TENM2: variants seen among roughly 807,000 people sequenced by gnomAD.
TENM2 encodes the protein teneurin-2.
In TENM2, 52 loss-of-function variants were observed where a neutral mutation model predicts 245.2. That is an observed-to-expected ratio of 0.21 (90% confidence interval 0.17 to 0.27). TENM2 has a LOEUF of 0.27. TENM2 is among the 10% of genes least tolerant of loss of function. TENM2 has a pLI of 1.00. For synonymous variants in TENM2, 1,363 were observed against 1,438.9 expected (o/e 0.95, Z 1.19); for missense variants, 3,046 against 3,666.8 (o/e 0.83, Z 4.37).
Position 167,595,851 on chromosome 5 carries a change from G to A in TENM2, c.502+220378G>A, listed in dbSNP as rs536819452. ...CCTTGTGTAAAGCTTTATCCACCGT[G>A]TTTCCCTTCCCTCTCCTCCCCCATA... On this transcript the variant is annotated intron_variant, in intron 2 of 28. Transcript: ENST00000518659. Among the ~76,000 whole-genome samples, 12 of 152,200 alleles carry A rather than the reference G, an allele frequency of 7.9e-5. No individual in the cohort carries two copies. In the East Asian group the frequency reaches 2.1e-3, roughly 27 times the overall value.
intron 27 of TENM2, among the ~76,000 whole-genome samples, chr5:168,253,572 C>A (rs986278898): frequency 6.6e-6 from 1 of 151,782 alleles, no homozygotes; most frequent in Admixed American, 6.6e-5. Flanking sequence ...ACTACAGGCG[C>A]CCGCCACCAC....
intron 2 of TENM2, among the ~76,000 whole-genome samples, chr5:167,606,436 C>T (rs1022030548): frequency 6.6e-6 from 1 of 152,074 alleles, no homozygotes; most frequent in East Asian, 1.9e-4. Context: ...AGAGGCAACT[C>T]TTTCTGGTCC....
chr5:167,795,700 T>C (rs1338263219), intron 2 of TENM2, among the ~76,000 whole-genome samples: 1 of 151,988 alleles, frequency 6.6e-6, no homozygotes, highest in African/African-American at 2.4e-5. Flanking sequence ...AAAAAAATGA[T>C]GTGAACAATA....
chr5:167,164,716 A>G, the TENM2 span, among the ~76,000 whole-genome samples: 1 of 152,064 alleles, frequency 6.6e-6, no homozygotes, highest in Non-Finnish European at 1.5e-5. Flanking sequence ...CATTTGGGGG[A>G]CTTTGTTATT....
chr5:167,840,030 A>G (rs570858048), intron 2 of TENM2, among the ~76,000 whole-genome samples: 103 of 152,344 alleles, frequency 6.8e-4, no homozygotes, highest in African/African-American at 2.4e-3. Flanking sequence ...CGTGTTAGCC[A>G]GGCTGGTCTC....
chr5:167,356,201 A>C, intron 1 of TENM2, among the ~76,000 whole-genome samples: 1 of 142,626 alleles, frequency 7.0e-6, no homozygotes, highest in Admixed American at 6.9e-5. Context: ...AAAAAAAAAA[A>C]AAAAAAAAAA....
the TENM2 span, among the ~76,000 whole-genome samples, chr5:167,255,495 T>G: frequency 6.6e-6 from 1 of 152,248 alleles, no homozygotes; most frequent in African/African-American, 2.4e-5. Flanking sequence ...AGGGAATTGG[T>G]GCTAATTAGA....
rs1446430430 is a variant in TENM2, at chr5:167,771,286, A to G, written c.503-104700A>G. The stretch of plus-strand genomic sequence containing the variant: ...ATCCTAATATTCATATAATCAGATT[A>G]GTTTTGAATCCTACCTCAGCAGAGG... On this transcript the variant is annotated intron_variant, in intron 2 of 28. Transcript: ENST00000518659. Among the ~76,000 whole-genome samples, 3 of 152,138 alleles carry G rather than the reference A, an allele frequency of 2.0e-5. No homozygotes were observed. The East Asian group carries it at 5.8e-4, about 29-fold the overall frequency.
At chr5:166,993,655 A>G in the TENM2 span, among the ~76,000 whole-genome samples, 1 of 152,232 alleles carries the variant, frequency 6.6e-6, no homozygotes, top group South Asian at 2.1e-4. Context: ...ATCTCTATTT[A>G]GAATTCAGTC....
At chr5:167,785,059 G>T (rs930888645) in intron 2 of TENM2, among the ~76,000 whole-genome samples, 1 of 152,058 alleles carries the variant, frequency 6.6e-6, no homozygotes, top group African/African-American at 2.4e-5. Flanking sequence ...AGTGAACTAA[G>T]AGGAAAATTT....
the TENM2 span, among the ~76,000 whole-genome samples, chr5:167,064,401 G>A: frequency 3.3e-5 from 5 of 152,344 alleles, no homozygotes; most frequent in East Asian, 5.8e-4. Flanking sequence ...CGTGAGCCAT[G>A]GGGCCCGCAG....
At chr5:168,127,605 C>G (rs1236543769) in intron 12 of TENM2, among the ~76,000 whole-genome samples, 14 of 152,112 alleles carry the variant, frequency 9.2e-5, no homozygotes, top group African/African-American at 3.4e-4. Context: ...ATTTTTCTCT[C>G]TTTTTCGGCA....
chr5:167,968,839 C>G (rs1327669053), intron 4 of TENM2, among the ~76,000 whole-genome samples: 1 of 152,168 alleles, frequency 6.6e-6, no homozygotes, highest in African/African-American at 2.4e-5. Context: ...CATCCCCACT[C>G]TCACCAATTC....
At chr5:167,872,694 G>GA (rs1773089330) in intron 2 of TENM2, among the ~76,000 whole-genome samples, 1 of 152,166 alleles carries the variant, frequency 6.6e-6, no homozygotes, top group African/African-American at 2.4e-5. Flanking sequence ...AACGTGGGCA[G>GA]AAAAATAACA....
intron 2 of TENM2, among the ~76,000 whole-genome samples, chr5:167,599,534 A>C (rs946646794): frequency 6.6e-6 from 1 of 152,266 alleles, no homozygotes; most frequent in South Asian, 2.1e-4. Context: ...TGCCAGCAAA[A>C]ATAGTTTGGC....
At chr5:167,717,245 C>T (rs551627371) in intron 2 of TENM2, among the ~76,000 whole-genome samples, 6 of 152,272 alleles carry the variant, frequency 3.9e-5, no homozygotes, top group Non-Finnish European at 4.4e-5. Flanking sequence ...TGTCAGCTAC[C>T]ATGCCCGGCC....
At chr5:167,361,732 G>T (rs939676736) in intron 1 of TENM2, among the ~76,000 whole-genome samples, 1 of 152,288 alleles carries the variant, frequency 6.6e-6, no homozygotes, top group Non-Finnish European at 1.5e-5. Flanking sequence ...GTCATAACTC[G>T]ATGCCTCTGG....
chr5:167,258,222 T>C, the TENM2 span, among the ~76,000 whole-genome samples: 1 of 139,588 alleles, frequency 7.2e-6, no homozygotes, highest in African/African-American at 2.7e-5. Flanking sequence ...TATGTATATA[T>C]ATATGTGTAT....
At chr5:167,758,573 A>C (rs1328776981) in intron 2 of TENM2, among the ~76,000 whole-genome samples, 1 of 152,084 alleles carries the variant, frequency 6.6e-6, no homozygotes, top group Non-Finnish European at 1.5e-5. Context: ...CCCTCTCCAT[A>C]CAGTCTTCTC....
Sources: allele counts gnomAD v4.1 joint callset (sites outside exome capture counted in the v4.1 genomes callset), GRCh38; gene constraint gnomAD v4.1.1; transcripts MANE v1.5; gene names NCBI Gene and HGNC (gene_info 2026-07-23, HGNC 2026-07-21).